FBXL2: variants seen among roughly 807,000 people sequenced by gnomAD.
FBXL2 encodes F-box and leucine rich repeat protein 2.
A neutral mutation model predicts 69.2 loss-of-function variants in FBXL2; 38 were observed. That is an observed-to-expected ratio of 0.55 (90% CI 0.42 to 0.72). The LOEUF (loss-of-function observed/expected upper bound fraction) is 0.72, where lower values mean the gene tolerates loss of function less well. FBXL2 is among the 30% of genes least tolerant of loss of function. The probability of loss-of-function intolerance (pLI) is 0.00; values close to 1 mark genes in which losing one functional copy is unlikely to be tolerated. For missense variants in FBXL2, 354 were observed against 520.3 expected, an observed-to-expected ratio of 0.68 and a Z score of 3.11; for synonymous variants, 192 against 201.3, an observed-to-expected ratio of 0.95 and a Z score of 0.39.
intron 9 of FBXL2, 30 bp downstream of exon 9, chr3:33,373,951 T>C: frequency 6.2e-7 from 1 of 1,608,448 alleles, no homozygotes; most frequent in Non-Finnish European, 8.5e-7. Context: ...TGAACACTGT[T>C]TGCTCTATCT....
chr3:33,339,862 AAAGTTAGAAACAAC>A (rs1222388815), intron 2 of FBXL2, among the ~76,000 whole-genome samples: 4 of 152,242 alleles, frequency 2.6e-5, no homozygotes, highest in African/African-American at 9.6e-5. Context: ...ATAATAGCTA[AAAGTTAGAAACAAC>A]CTAAATGTCA....
chr3:33,402,917 A>T, intron 12 of FBXL2: 1 of 1,587,944 alleles, frequency 6.3e-7, no homozygotes, highest in Non-Finnish European at 8.6e-7. Context: ...AAGGACAGAA[A>T]CAGAAATAAA....
At chr3:33,409,529 C>G in the FBXL2 span, 9 of 1,614,170 alleles carry the variant, frequency 5.6e-6, no homozygotes, top group Non-Finnish European at 7.6e-6. Flanking sequence ...AAGGTGTCAA[C>G]CTGGATCCTA....
intron 12 of FBXL2, chr3:33,401,055 T>G (rs760613408): frequency 1.3e-6 from 2 of 1,553,108 alleles, no homozygotes; most frequent in Non-Finnish European, 1.7e-6. Context: ...ATGATTTTTA[T>G]AATACATATA....
intron 12 of FBXL2, among the ~76,000 whole-genome samples, chr3:33,401,623 C>T (rs1000872636): frequency 5.3e-5 from 8 of 152,214 alleles, no homozygotes; most frequent in African/African-American, 1.7e-4. Flanking sequence ...CCTTTCTTAG[C>T]CCCCGTGCCT....
chr3:33,404,641 C>T (rs1237850457), downstream of FBXL2, among the ~76,000 whole-genome samples: 1 of 151,584 alleles, frequency 6.6e-6, no homozygotes, highest in Non-Finnish European at 1.5e-5. Context: ...AGTGAGACCC[C>T]CATCTTGAAA....
chr3:33,360,462 A>G (rs2154041730), intron 4 of FBXL2, among the ~76,000 whole-genome samples: 1 of 152,328 alleles, frequency 6.6e-6, no homozygotes, highest in Non-Finnish European at 1.5e-5. Context: ...CCTTTATTAA[A>G]TAAAGGGGGA....
At chr3:33,371,355 G>C (rs138272795) in intron 5 of FBXL2, among the ~76,000 whole-genome samples, 1 of 144,838 alleles carries the variant, frequency 6.9e-6, no homozygotes, top group African/African-American at 2.6e-5. Context: ...TTTTTTAGTA[G>C]AGACAGGGTT....
intron 2 of FBXL2, among the ~76,000 whole-genome samples, chr3:33,319,393 A>G (rs1267749182): frequency 1.3e-5 from 2 of 152,248 alleles, no homozygotes; most frequent in African/African-American, 4.8e-5. Context: ...GTATGATGTA[A>G]TATACATGAA....
chr3:33,321,334 GAAAAAAA>G (rs1164890057), intron 2 of FBXL2, among the ~76,000 whole-genome samples: 3 of 148,122 alleles, frequency 2.0e-5, no homozygotes, highest in Non-Finnish European at 4.5e-5. Context: ...AAAGAAAAAA[GAAAAAAA>G]AGAAAAAGAA....
intron 13 of FBXL2, 99 bp downstream of exon 13, chr3:33,378,840 A>C: frequency 6.3e-7 from 1 of 1,596,428 alleles, no homozygotes; most frequent in Non-Finnish European, 8.5e-7. Context: ...GTAAGGTATC[A>C]TCTCTCTTGA....
At chr3:33,314,316 TC>T (rs962806158) in intron 2 of FBXL2, among the ~76,000 whole-genome samples, 5 of 152,090 alleles carry the variant, frequency 3.3e-5, no homozygotes, top group African/African-American at 9.7e-5. Context: ...GACCAACATC[TC>T]CCCATTTCCC....
chr3:33,364,823 T>C, intron 5 of FBXL2, 104 bp downstream of exon 5: 6 of 1,038,722 alleles, frequency 5.8e-6, no homozygotes, highest in Non-Finnish European at 8.9e-6. Flanking sequence ...AAATTCTTTC[T>C]GTGGTAATTT....
intron 2 of FBXL2, among the ~76,000 whole-genome samples, chr3:33,311,906 C>T (rs948312735): frequency 2.0e-4 from 31 of 151,870 alleles, no homozygotes; most frequent in African/African-American, 5.5e-4. Flanking sequence ...TACAGGCATG[C>T]GCTACTGCAT....
Position 33,378,166 on chromosome 3 carries a change from G to C in FBXL2, c.894+19G>C, listed in dbSNP as rs200919583. 9.3e-6 allele frequency: 15 copies of C among 1,612,778 alleles called. No individual in the cohort carries two copies. In the South Asian group the frequency reaches 1.4e-4, roughly 15 times the overall value. On this transcript the variant is annotated intron_variant, in intron 12 of 14. Coordinates refer to ENST00000484457, the MANE Select transcript of FBXL2 (RefSeq NM_012157.5). ...CATCCTGGTGAGTGGACTCCTGACA[G>C]CCCTGCAGGGCAGCCTGCTCCTTAG...
intron 2 of FBXL2, among the ~76,000 whole-genome samples, chr3:33,337,958 A>C (rs2039717949): frequency 1.3e-5 from 2 of 152,374 alleles, no homozygotes; most frequent in East Asian, 3.8e-4. Context: ...GCTGAAAGAA[A>C]TGAGAGATGA....
At chr3:33,402,866 A>G (rs751021111) in intron 12 of FBXL2, 1 of 1,610,798 alleles carries the variant, frequency 6.2e-7, no homozygotes, top group South Asian at 1.1e-5. Context: ...AAGGGCTGTT[A>G]TTCACATAGG....
intron 2 of FBXL2, among the ~76,000 whole-genome samples, chr3:33,332,392 A>T (rs1241424770): frequency 2.0e-4 from 30 of 152,234 alleles, no homozygotes; most frequent in Non-Finnish European, 4.4e-5. Context: ...AAAGTTAAAC[A>T]TATAATTACT....
chr3:33,361,137 G>A (rs2041599377), intron 4 of FBXL2, among the ~76,000 whole-genome samples: 1 of 147,678 alleles, frequency 6.8e-6, no homozygotes, highest in African/African-American at 2.5e-5. Flanking sequence ...AGTAGAGACG[G>A]GGTTTCACCA....
Sources: gnomAD v4.1 joint callset for allele counts (sites outside exome capture counted in the v4.1 genomes callset) on GRCh38, gnomAD v4.1.1 for gene constraint, MANE v1.5 for transcripts, NCBI Gene and HGNC (gene_info 2026-07-23, HGNC 2026-07-21) for gene names.